The following ARHGEF33 variants were observed in gnomAD, a reference collection of about 807,000 sequenced individuals.
ARHGEF33 encodes the protein Rho guanine nucleotide exchange factor 33, also known as DH and coiled-coil domain-containing protein ENSP00000381780.
Under a neutral mutation model 101.9 loss-of-function variants are expected in ARHGEF33, and 72 were observed. The ratio of observed to expected loss-of-function variants is 0.71; its 90% CI spans 0.58 to 0.86. The LOEUF (loss-of-function observed/expected upper bound fraction) is 0.86. ARHGEF33 is among the 40% of genes least tolerant of loss of function. The pLI is 0.00. For missense variants in ARHGEF33, 1,169 were observed against 1,111.3 expected (o/e 1.05, Z -0.74); for synonymous variants, 499 against 442.5 (o/e 1.13, Z -1.60).
chr2:38,924,094 A>ATAAGTAGGTCATG lies in ARHGEF33; in HGVS notation c.75+2671_75+2672insTAAGTAGGTCATG, dbSNP rs1404001162. 1.3e-4 allele frequency among the ~76,000 whole-genome samples: 20 copies of ATAAGTAGGTCATG among 152,324 alleles called. 1 individual carries two copies. In the South Asian group the frequency reaches 4.1e-3, roughly 32 times the overall value. On this transcript the variant is annotated intron_variant, in intron 4 of 17. Coordinates refer to ENST00000409978, the MANE Select transcript of ARHGEF33 (RefSeq NM_001145451.5). ...ATAAGTAGTTCATGAAGGTCAATAA[A>ATAAGTAGGTCATG]AATGGAAACTTCTAAAACCCTAGTA...
Position 38,929,804 on chromosome 2 carries a change from A to G in ARHGEF33, c.336A>G (p.Arg112=). 1 of 1,551,626 alleles carries G rather than the reference A, an allele frequency of 6.4e-7. No individual in the cohort carries two copies. The highest frequency in any genetic ancestry group is 8.7e-7 in the Non-Finnish European group (1 of 1,146,856). ...TCGAGCAGCTTCAACAGGAGAAGCG[A>G]AGAGAATCTCGAAAAGTTAAAGCCA... ...QKIEQLQQEK[R]RESRKVKAKK... The change falls in exon 6 of 18, where the codon CGA becomes CGG. Residue 112 remains arginine (R), a synonymous_variant. Coordinates refer to ENST00000409978, the MANE Select transcript of ARHGEF33 (RefSeq NM_001145451.5).
chr2:38,942,082 T>C (rs977285907), intron 9 of ARHGEF33, among the ~76,000 whole-genome samples: 1 of 151,794 alleles, frequency 6.6e-6, no homozygotes, highest in Non-Finnish European at 1.5e-5. Context: ...AAACTTCTAC[T>C]AATTTGATGT....
intron 2 of ARHGEF33, among the ~76,000 whole-genome samples, chr2:38,904,326 A>G (rs1306124317): frequency 2.0e-5 from 3 of 152,182 alleles, no homozygotes; most frequent in African/African-American, 7.2e-5. Context: ...GGCAGCTGGC[A>G]GGCCTCCTAC....
chr2:38,956,880 C>G lies in ARHGEF33; in HGVS notation c.1222-19C>G. On this transcript the variant is annotated intron_variant, in intron 13 of 17. Coordinates refer to ENST00000409978, the MANE Select transcript of ARHGEF33 (RefSeq NM_001145451.5). The stretch of plus-strand genomic sequence containing the variant: ...TCATGCTGATTATGCAATGCTACTT[C>G]CTTTTCCCCTCCATCCAGAACGTCC... 1.3e-6 allele frequency: 2 copies of G among 1,551,130 alleles called. No individual in the cohort carries two copies. The highest frequency in any genetic ancestry group is 1.7e-6 in the Non-Finnish European group (2 of 1,146,128).
Position 38,900,155 on chromosome 2 carries a change from G to A in ARHGEF33, c.-86+4306G>A, listed in dbSNP as rs148531579. On this transcript the variant is annotated intron_variant, in intron 2 of 17. Transcript: ENST00000409978. ...TGCAGTGAGCTAGGATTATACCACC[G>A]CATTCGCTCCAGCTTGGGCAACAGA... 9.1e-3 allele frequency among the ~76,000 whole-genome samples: 1,387 copies of A among 152,278 alleles called. 9 individuals carry two copies. The highest frequency in any genetic ancestry group is 0.014 in the Non-Finnish European group (967 of 68,022).
intron 12 of ARHGEF33, 93 bp from the exon 13 acceptor site, chr2:38,954,280 G>C (rs1667686175): frequency 6.8e-6 from 5 of 730,858 alleles, no homozygotes; most frequent in Non-Finnish European, 7.1e-6. Context: ...TGCTCTGGGA[G>C]GAAACCCTTC....
At chr2:38,900,762 C>T (rs1666221026) in intron 2 of ARHGEF33, among the ~76,000 whole-genome samples, 1 of 152,108 alleles carries the variant, frequency 6.6e-6, no homozygotes, top group South Asian at 2.1e-4. Flanking sequence ...AGATTAAGGT[C>T]CCACAGACAG....
At chr2:38,971,811 T>C (rs1336708563) in intron 17 of ARHGEF33, 2 of 718,360 alleles carry the variant, frequency 2.8e-6, no homozygotes, top group Non-Finnish European at 5.2e-6. Context: ...GTTAAAAAAA[T>C]TTAAGCTGAG....
intron 7 of ARHGEF33, 85 bp downstream of exon 7, chr2:38,931,336 T>C: frequency 8.1e-7 from 1 of 1,239,156 alleles, no homozygotes; most frequent in Non-Finnish European, 1.1e-6. Flanking sequence ...CCTCCATCTT[T>C]GTTAGAAGAA....
intron 2 of ARHGEF33, among the ~76,000 whole-genome samples, chr2:38,902,311 C>G (rs565565970): frequency 1.3e-5 from 2 of 152,296 alleles, no homozygotes; most frequent in East Asian, 3.9e-4. Context: ...GGCAAGGCAT[C>G]TGACCTGACA....
At chr2:38,924,428 T>C (rs1231836258) in intron 4 of ARHGEF33, among the ~76,000 whole-genome samples, 2 of 152,144 alleles carry the variant, frequency 1.3e-5, no homozygotes, top group African/African-American at 4.8e-5. Flanking sequence ...TCATTTTGCA[T>C]ATAGATTATT....
At chr2:38,904,427 C>T (rs1051704173) in intron 2 of ARHGEF33, among the ~76,000 whole-genome samples, 1 of 151,922 alleles carries the variant, frequency 6.6e-6, no homozygotes, top group African/African-American at 2.4e-5. Flanking sequence ...AAAAACAGGC[C>T]GGGTGCAGTG....
chr2:38,906,400 G>A (rs1181231860), intron 2 of ARHGEF33, among the ~76,000 whole-genome samples: 1 of 152,016 alleles, frequency 6.6e-6, no homozygotes, highest in Non-Finnish European at 1.5e-5. Context: ...TAGCTTCTTA[G>A]CAAAACCAGC....
Position 38,958,028 on chromosome 2 carries a change from T to G in ARHGEF33, c.1371-6T>G, listed in dbSNP as rs140488687. On this transcript the variant is annotated splice_region_variant and splice_polypyrimidine_tract_variant and intron_variant, in intron 14 of 17. Transcript: ENST00000409978. ...AACCTGAGAACTGTTATTTCCATTC[T>G]GTTAGGTCATCCATGGCGAAGCTGT... 257 of 1,552,280 alleles carry G rather than the reference T, an allele frequency of 1.7e-4. No individual in the cohort carries two copies. The African/African-American group carries it at 2.9e-3, about 17-fold the overall frequency.
chr2:38,905,647 T>A (rs1666371661), intron 2 of ARHGEF33, among the ~76,000 whole-genome samples: 2 of 152,244 alleles, frequency 1.3e-5, no homozygotes, highest in Non-Finnish European at 2.9e-5. Context: ...CCTGACTCTT[T>A]GAGGAACTCT....
intron 15 of ARHGEF33, among the ~76,000 whole-genome samples, chr2:38,958,929 G>GATA (rs2124421505): frequency 6.6e-6 from 1 of 152,308 alleles, no homozygotes; most frequent in Admixed American, 6.5e-5. Context: ...ACTTTTAGTA[G>GATA]AGACGGGGTT....
At chr2:38,905,445 C>T (rs1167565113) in intron 2 of ARHGEF33, among the ~76,000 whole-genome samples, 1 of 152,086 alleles carries the variant, frequency 6.6e-6, no homozygotes, top group African/African-American at 2.4e-5. Context: ...TTGGAATTAC[C>T]CTGTTAAATT....
intron 15 of ARHGEF33, 196 bp from the exon 16 acceptor site, chr2:38,959,645 C>A: frequency 1.7e-6 from 1 of 578,648 alleles, no homozygotes; most frequent in Non-Finnish European, 3.0e-6. Flanking sequence ...TTCGGGCCTC[C>A]GCTCGACGGA....
chr2:38,946,453 A>C (rs1317141918), intron 10 of ARHGEF33, among the ~76,000 whole-genome samples: 1 of 152,208 alleles, frequency 6.6e-6, no homozygotes, highest in African/African-American at 2.4e-5. Flanking sequence ...TGCATGGACC[A>C]AGCAGAGAAA....
Sources: gnomAD v4.1 joint callset for allele counts (sites outside exome capture counted in the v4.1 genomes callset) on GRCh38, gnomAD v4.1.1 for gene constraint, MANE v1.5 for transcripts, NCBI Gene and HGNC (gene_info 2026-07-23, HGNC 2026-07-21) for gene names.